DNAH8: variants seen among roughly 807,000 people sequenced by gnomAD.
DNAH8 encodes dynein axonemal heavy chain 8.
DNAH8 carries 382 observed loss-of-function variants against 562.1 expected under a neutral mutation model. The observed-to-expected ratio is 0.68, with a 90% CI of 0.63 to 0.74. The LOEUF is 0.74. Among genes scored for constraint, DNAH8 ranks in the 30% least tolerant of loss-of-function variants. The pLI, the probability that DNAH8 is intolerant of heterozygous loss-of-function variation, is 0.00. For missense variants in DNAH8, 5,203 were observed against 5,620.4 expected, an observed-to-expected ratio of 0.93 and a Z score of 2.37; for synonymous variants, 1,881 against 1,919.4, an observed-to-expected ratio of 0.98 and a Z score of 0.52.
At chr6:39,012,722 A>T (rs1336209994) in intron 91 of DNAH8, 85 bp downstream of exon 91, 1 of 1,032,170 alleles carries the variant, frequency 9.7e-7, no homozygotes, top group Non-Finnish European at 1.5e-6. Context: ...TACCATATAA[A>T]ACAATATGGA....
chr6:38,943,290 C>T (rs995363543), intron 79 of DNAH8, among the ~76,000 whole-genome samples: 1 of 152,186 alleles, frequency 6.6e-6, no homozygotes, highest in Non-Finnish European at 1.5e-5. Context: ...TAGTTTTGAA[C>T]TGGCTTACAT....
intron 53 of DNAH8, among the ~76,000 whole-genome samples, chr6:38,876,997 G>T (rs1358063787): frequency 2.6e-5 from 4 of 152,068 alleles, no homozygotes; most frequent in Admixed American, 1.3e-4. Flanking sequence ...ATGGCAAAAG[G>T]GCACTCTAAC....
At chr6:39,009,431 A>T (rs1176542604) in intron 89 of DNAH8, among the ~76,000 whole-genome samples, 1 of 152,200 alleles carries the variant, frequency 6.6e-6, no homozygotes, top group Non-Finnish European at 1.5e-5. Flanking sequence ...TTGATTTTTA[A>T]TCACTTCTGA....
intron 82 of DNAH8, among the ~76,000 whole-genome samples, chr6:38,966,896 C>T (rs1255598211): frequency 6.6e-6 from 1 of 152,136 alleles, no homozygotes; most frequent in African/African-American, 2.4e-5. Context: ...GGCCGGTTTC[C>T]TATTTCATAG....
intron 1 of DNAH8, among the ~76,000 whole-genome samples, chr6:38,721,743 T>C (rs901509255): frequency 1.3e-5 from 2 of 152,124 alleles, no homozygotes; most frequent in African/African-American, 4.8e-5. Context: ...TCTGGAAAAC[T>C]TGGAGAGAGC....
chr6:38,796,817 G>A (rs1770309613), intron 21 of DNAH8, among the ~76,000 whole-genome samples: 1 of 151,962 alleles, frequency 6.6e-6, no homozygotes, highest in Non-Finnish European at 1.5e-5. Context: ...GCCCGCCGAT[G>A]CTCCCAGTTG....
chr6:38,932,474 C>T (rs1039286447), intron 76 of DNAH8, among the ~76,000 whole-genome samples: 2 of 152,012 alleles, frequency 1.3e-5, no homozygotes, highest in Admixed American at 1.3e-4. Flanking sequence ...ACTGAGGGTT[C>T]TAATAAAACA....
chr6:38,811,267 C>G (rs947494466), intron 24 of DNAH8, among the ~76,000 whole-genome samples: 1 of 152,168 alleles, frequency 6.6e-6, no homozygotes, highest in Admixed American at 6.5e-5. Context: ...ACTTATTGTT[C>G]CAACTATGGA....
At chr6:38,794,171 A>G (rs1049987301) in intron 21 of DNAH8, among the ~76,000 whole-genome samples, 35 of 152,030 alleles carry the variant, frequency 2.3e-4, no homozygotes, top group Middle Eastern at 3.4e-3. Flanking sequence ...CCAGAGCCTC[A>G]ACCAAGGTAG....
chr6:38,825,863 A>G (rs915804112), intron 28 of DNAH8, among the ~76,000 whole-genome samples: 5 of 152,328 alleles, frequency 3.3e-5, no homozygotes, highest in African/African-American at 4.8e-5. Context: ...TGGTCAGAAG[A>G]AGTGCAAGGG....
chr6:38,990,100 T>G lies in DNAH8; in HGVS notation c.13142T>G (p.Phe4381Cys). Residue 4381 changes from phenylalanine (F) to cysteine (C), a missense_variant, in exon 88 of 93, where the codon TTT (phenylalanine) becomes TGT (cysteine). Around this residue, in one of 6 missense-constraint regions of DNAH8, gnomAD observed 1,399 missense variants for 1,518.4 expected, o/e 0.92. Coordinates refer to ENST00000327475, the MANE Select transcript of DNAH8 (RefSeq NM_001206927.2). The part of the protein sequence containing the change: ...IPLCKTLDQY[F>C]EYIQSLPSLD... ...TTATGCAAAACCTTAGACCAGTATT[T>G]TGAATACATCCAGTCACTGCCATCC... The G allele has an allele frequency of 1.2e-6, 2 of 1,605,648 alleles. No individual in the cohort carries two copies. Among genetic ancestry groups the G allele is most frequent in the Non-Finnish European group, 1.7e-6 (2 of 1,172,222 alleles).
At chr6:38,760,548 C>A (rs1766391714) in intron 10 of DNAH8, among the ~76,000 whole-genome samples, 1 of 151,934 alleles carries the variant, frequency 6.6e-6, no homozygotes, top group Non-Finnish European at 1.5e-5. Context: ...GAGAAACAGT[C>A]CTCTTTTGCC....
At position 38,734,487 on chromosome 6, in the gene DNAH8, T is replaced by C. The variant is rs769334222; in HGVS notation, c.624T>C (p.Thr208=). ...TTTTGTTTTCAGAATGTGGTCGAAC[T>C]ATTGCTGGAGCAACTAAAGGGGCAA... ...GDVPGIECGR[T]IAGATKGAKM... The change falls in exon 5 of 93, where the codon ACT becomes ACC. Residue 208 remains threonine (T), a synonymous_variant. Coordinates refer to ENST00000327475, the MANE Select transcript of DNAH8 (RefSeq NM_001206927.2). 4 of 1,613,832 alleles carry C rather than the reference T, an allele frequency of 2.5e-6. No homozygotes were observed. The highest frequency in any genetic ancestry group is 3.4e-6 in the Non-Finnish European group (4 of 1,179,940).
At chr6:38,934,415 AC>A (rs202107860) in intron 76 of DNAH8, among the ~76,000 whole-genome samples, 6 of 151,932 alleles carry the variant, frequency 3.9e-5, no homozygotes, top group African/African-American at 1.2e-4. Context: ...AAAACAAAAA[AC>A]AAAACAAACT....
chr6:38,857,614 C>G lies in DNAH8; in HGVS notation c.5830C>G (p.Gln1944Glu). Residue 1944 changes from glutamine (Q) to glutamate (E), a missense_variant, in exon 42 of 93, where the codon CAG becomes GAG. By Grantham distance (29) the Gln-to-Glu change is conservative (BLOSUM62 2). Around this residue, in one of 6 missense-constraint regions of DNAH8, gnomAD observed 2,176 missense variants for 2,365.1 expected, o/e 0.92. Transcript: ENST00000327475. ...CAGGAAAATCATGCAAGTGACCAATCAGAAATTTTTGGATATTCTAAATAC... is the reference window on the plus strand; with the variant it reads ...CAGGAAAATCATGCAAGTGACCAATGAGAAATTTTTGGATATTCTAAATAC... ...DDRKIMQVTN[Q>E]KFLDILNTLI... 6.2e-7 allele frequency: 1 copy of G among 1,613,720 alleles called. No individual in the cohort carries two copies. Among genetic ancestry groups the G allele is most frequent in the African/African-American group, 1.3e-5 (1 of 75,016 alleles).
chr6:39,029,946 A>C, intron 92 of DNAH8, among the ~76,000 whole-genome samples, 159 bp from the exon 93 acceptor site: 1 of 152,220 alleles, frequency 6.6e-6, no homozygotes, highest in African/African-American at 2.4e-5. Flanking sequence ...AACTGGGCTC[A>C]GTATTTCACG....
At position 38,909,540 on chromosome 6, in the gene DNAH8, G is replaced by T. The variant is rs747689932; in HGVS notation, c.9536G>T (p.Arg3179Leu). The T allele has an allele frequency of 6.2e-7, 1 of 1,614,052 alleles. No individual in the cohort carries two copies. The highest frequency in any genetic ancestry group is 1.3e-5 in the African/African-American group (1 of 75,030). ...TAGGTTGGTGAGAAGTTCCGTGCCC[G>T]TTCTTTGAAATTTCCTGGCTTGATA... ...FSPVGEKFRARSLKFPGLISG... is the reference protein window; with the variant it reads ...FSPVGEKFRALSLKFPGLISG... The change falls in exon 65 of 93, where the codon CGT becomes CTT. Residue 3179 changes from arginine (R) to leucine (L), a missense_variant. By Grantham distance (102) the Arg-to-Leu change is moderately radical. Around this residue, in one of 6 missense-constraint regions of DNAH8, gnomAD observed 977 missense variants for 1,061.8 expected, o/e 0.92. Transcript: ENST00000327475.
chr6:38,940,667 C>T (rs1346295498), intron 79 of DNAH8, among the ~76,000 whole-genome samples: 1 of 152,148 alleles, frequency 6.6e-6, no homozygotes, highest in African/African-American at 2.4e-5. Flanking sequence ...CACTTACGCT[C>T]CTATTTCCTT....
At chr6:38,904,653 A>G (rs1780307189) in intron 62 of DNAH8, among the ~76,000 whole-genome samples, 1 of 151,948 alleles carries the variant, frequency 6.6e-6, no homozygotes, top group Admixed American at 6.6e-5. Flanking sequence ...TTAGCTGGGC[A>G]TAGTGACAGG....
Sources: gnomAD v4.1 joint callset for allele counts (sites outside exome capture counted in the v4.1 genomes callset) on GRCh38, gnomAD v4.1.1 for gene constraint, gnomAD v4.1.1 regional missense constraint, MANE v1.5 for transcripts, NCBI Gene and HGNC (gene_info 2026-07-23, HGNC 2026-07-21) for gene names.